STUB1: variants seen among roughly 807,000 people sequenced by gnomAD.
STUB1 encodes STIP1 homology and U-box containing protein 1, also known as E3 ubiquitin-protein ligase CHIP.
A neutral mutation model predicts 40.3 loss-of-function variants in STUB1; 37 were observed. That is an observed-to-expected ratio of 0.92 (90% CI 0.71 to 1.21). STUB1 has a LOEUF of 1.21. Among genes scored for constraint, STUB1 ranks in the 50% most tolerant of loss-of-function variants. The pLI is 0.00. For synonymous variants in STUB1, 246 were observed against 171.9 expected (o/e 1.43, Z -3.37); for missense variants, 460 against 421.9 (o/e 1.09, Z -0.79).
rs766775352 is a variant in STUB1 at position 682,143 on chromosome 16, AC to A, written c.670-20del. ...GTGCAGTGCCCCTTTTCAGCCTCTG[AC>A]CGTGTGCCCCTGTGCCACAGAAGCG... is the stretch of plus-strand genomic sequence containing the variant. On this transcript the variant is annotated intron_variant, in intron 5 of 6. Coordinates refer to ENST00000219548, the MANE Select transcript of STUB1 (RefSeq NM_005861.4). 149 of 1,595,828 alleles carry A rather than the reference AC, an allele frequency of 9.3e-5. No homozygotes were observed. The Admixed American group carries it at 9.7e-4, about 10-fold the overall frequency.
Position 682,154 on chromosome 16 carries a change from C to T in STUB1, c.670-11C>T, listed in dbSNP as rs1415862686. On this transcript the variant is annotated splice_polypyrimidine_tract_variant and intron_variant, in intron 5 of 6. Transcript: ENST00000219548. ...CTTTTCAGCCTCTGACCGTGTGCCC[C>T]TGTGCCACAGAAGCGAGACATCCCC... 1.2e-6 allele frequency: 2 copies of T among 1,601,594 alleles called. No individual in the cohort carries two copies. The highest frequency in any genetic ancestry group is 1.7e-6 in the Non-Finnish European group (2 of 1,170,056).
In STUB1 at chr16:681,135, C is replaced by G. The variant is rs1275876187; in HGVS notation, c.160-17C>G. The G allele has an allele frequency of 1.9e-6, 3 of 1,545,812 alleles. No homozygotes were observed. Among genetic ancestry groups the G allele is most frequent in the East Asian group, 2.4e-5 (1 of 40,906 alleles). On this transcript the variant is annotated splice_polypyrimidine_tract_variant and intron_variant, in intron 1 of 6. Coordinates refer to ENST00000219548, the MANE Select transcript of STUB1 (RefSeq NM_005861.4). ...GAGCCTACGCCCTCATGCGGCTGGCCCGGCCTTGGTCCCTAGACCCGGAAC... is the reference window on the plus strand; with the variant it reads ...GAGCCTACGCCCTCATGCGGCTGGCGCGGCCTTGGTCCCTAGACCCGGAAC...
rs947592685 is a variant in STUB1 at position 682,614 on chromosome 16, G to A, written c.*125G>A. On this transcript the variant is annotated 3_prime_UTR_variant, in exon 7 of 7. Transcript: ENST00000219548. ...CCCCAAGTTCTGCTGTTGGACTCTG[G>A]ACTGTTTCCCCTCTCAGCATCGCTT... is the stretch of plus-strand genomic sequence containing the variant. 41 of 1,470,212 alleles carry A rather than the reference G, an allele frequency of 2.8e-5. No homozygotes were observed. The highest frequency in any genetic ancestry group is 3.7e-5 in the Non-Finnish European group (40 of 1,076,678). 91.1% of individuals were successfully genotyped at this position (1,470,212 alleles called of 1,614,324 possible).
At chr16:681,101 G>T (rs1419227595) in intron 1 of STUB1, 51 bp from the exon 2 acceptor site, 4 of 1,513,542 alleles carry the variant, frequency 2.6e-6, no homozygotes, top group Middle Eastern at 2.1e-4. Flanking sequence ...GGGTCAGAGT[G>T]GGCACGCTGA....
At chr16:681,720 T>C in intron 3 of STUB1, 73 bp from the exon 4 acceptor site, 1 of 1,552,792 alleles carries the variant, frequency 6.4e-7, no homozygotes, top group Non-Finnish European at 8.7e-7. Flanking sequence ...AGTGTGGATG[T>C]TAGCTCTGAG....
In STUB1 at chr16:680,810, G is replaced by A. The variant is rs2039638035; in HGVS notation, c.159+126G>A. On this transcript the variant is annotated intron_variant, in intron 1 of 6. Transcript: ENST00000219548. The surrounding 1 kb of genome is among the most constrained non-coding windows in gnomAD (Gnocchi z 4.9). ...TGTCCTCGGCTCCCAAAGCCCAGCCGTGGTTCTCGAGCCCAGCGCCGGGTG... is the reference window on the plus strand; with the variant it reads ...TGTCCTCGGCTCCCAAAGCCCAGCCATGGTTCTCGAGCCCAGCGCCGGGTG... 5.1e-6 allele frequency: 5 copies of A among 982,744 alleles called. No homozygotes were observed. Among genetic ancestry groups the A allele is most frequent in the Admixed American group, 4.4e-5 (1 of 22,860 alleles). 60.9% of individuals were successfully genotyped at this position (982,744 alleles called of 1,614,324 possible).
rs780791749 is a variant in STUB1 at position 681,832 on chromosome 16, GGAC to G, written c.568_570del (p.Asp190del). 8 of 1,610,090 alleles carry G rather than the reference GGAC, an allele frequency of 5.0e-6. No homozygotes were observed. Among genetic ancestry groups the G allele is most frequent in the Admixed American group, 3.3e-5 (2 of 59,864 alleles). On this transcript the variant is annotated inframe_deletion, in exon 4 of 7. Coordinates refer to ENST00000219548, the MANE Select transcript of STUB1 (RefSeq NM_005861.4). ...GCCAGCGAAACCACGAGGGTGATGA[GGAC>G]GACAGCCACGTCCGGGCCCAGCAGG...
chr16:682,459 C>T lies in STUB1; in HGVS notation c.882C>T (p.Ile294=), dbSNP rs1269591850. ...LAMKEVIDAF[I]SENGWVEDY ...TGAAGGAGGTTATTGACGCATTCATCTCTGAGAATGGCTGGGTGGAGGACT... is the reference window on the plus strand; with the variant it reads ...TGAAGGAGGTTATTGACGCATTCATTTCTGAGAATGGCTGGGTGGAGGACT... Residue 294 remains isoleucine (I), a synonymous_variant, in exon 7 of 7, where the codon ATC becomes ATT. Coordinates refer to ENST00000219548, the MANE Select transcript of STUB1 (RefSeq NM_005861.4). 6.2e-7 allele frequency: 1 copy of T among 1,613,472 alleles called. No homozygotes were observed. The highest frequency in any genetic ancestry group is 1.1e-5 in the South Asian group (1 of 91,082).
In STUB1 at chr16:681,775, C is replaced by T. The variant is rs1274466455; in HGVS notation, c.525-18C>T. On this transcript the variant is annotated intron_variant, in intron 3 of 6. Transcript: ENST00000219548. Reference sequence around the variant, plus strand: ...TCTGGCCAGGTCCATCTCTGACCGGCTCCTGGTCAACCCCCAGGGAGCTGG... The same window carrying T: ...TCTGGCCAGGTCCATCTCTGACCGGTTCCTGGTCAACCCCCAGGGAGCTGG... 3.2e-6 allele frequency: 5 copies of T among 1,582,790 alleles called. No homozygotes were observed. The highest frequency in any genetic ancestry group is 1.3e-5 in the African/African-American group (1 of 74,490).
Position 682,346 on chromosome 16 carries a change from C to T in STUB1, c.787-18C>T, listed in dbSNP as rs753067599. On this transcript the variant is annotated intron_variant, in intron 6 of 6. Coordinates refer to ENST00000219548, the MANE Select transcript of STUB1 (RefSeq NM_005861.4). Reference sequence around the variant, plus strand: ...TCCTGGGCCCCATGACTGCCCTCTGCCCTTCTTGTCACTGCAGCGTGTGGG... The same window carrying T: ...TCCTGGGCCCCATGACTGCCCTCTGTCCTTCTTGTCACTGCAGCGTGTGGG... 1 of 1,613,086 alleles carries T rather than the reference C, an allele frequency of 6.2e-7. No homozygotes were observed. Among genetic ancestry groups the T allele is most frequent in the East Asian group, 2.2e-5 (1 of 44,888 alleles).
Position 682,426 on chromosome 16 carries a change from C to T in STUB1, c.849C>T (p.Asn283=), listed in dbSNP as rs1206352879. ...SPLTQEQLIP[N]LAMKEVIDAF... ...TGACCCAGGAACAGCTCATCCCCAA[C>T]TTGGCTATGAAGGAGGTTATTGACG... The change falls in exon 7 of 7, where the codon AAC becomes AAT. Residue 283 remains asparagine (N), a synonymous_variant. Coordinates refer to ENST00000219548, the MANE Select transcript of STUB1 (RefSeq NM_005861.4). 1 of 1,613,460 alleles carries T rather than the reference C, an allele frequency of 6.2e-7. No individual in the cohort carries two copies. Among genetic ancestry groups the T allele is most frequent in the Admixed American group, 1.7e-5 (1 of 60,030 alleles).
chr16:682,745 G>T lies in STUB1; in HGVS notation c.*256G>T. 1 of 1,594,040 alleles carries T rather than the reference G, an allele frequency of 6.3e-7. No homozygotes were observed. Among genetic ancestry groups the T allele is most frequent in the South Asian group, 1.1e-5 (1 of 89,836 alleles). ...TCTGTGTAATAAAATCCGTGAGCAC[G>T]AGGTGGGACGTGCTGGTGTGTGACC... On this transcript the variant is annotated 3_prime_UTR_variant, in exon 7 of 7. Transcript: ENST00000219548.
chr16:682,035 G>C lies in STUB1; in HGVS notation c.628G>C (p.Asp210His). 5 of 1,592,580 alleles carry C rather than the reference G, an allele frequency of 3.1e-6. No individual in the cohort carries two copies. The highest frequency in any genetic ancestry group is 4.3e-6 in the Non-Finnish European group (5 of 1,164,446). The change falls in exon 5 of 7, where the codon GAC (aspartate) becomes CAC (histidine). Residue 210 changes from aspartate (D) to histidine (H), a missense_variant. Asp to His is a moderately conservative substitution (Grantham distance 81). Coordinates refer to ENST00000219548, the MANE Select transcript of STUB1 (RefSeq NM_005861.4). ...CTCTTCACAGGACAAGTACATGGCGGACATGGACGAGCTTTTTTCTCAGGT... is the reference window on the plus strand; with the variant it reads ...CTCTTCACAGGACAAGTACATGGCGCACATGGACGAGCTTTTTTCTCAGGT... ...IEAKHDKYMA[D>H]MDELFSQVDE... is the part of the protein sequence containing the mutation.
In STUB1 at chr16:680,602, C is replaced by A; in HGVS notation, c.77C>A (p.Ala26Glu). Residue 26 changes from alanine to glutamate, a missense_variant, in exon 1 of 7, where the codon GCG becomes GAG. Ala to Glu is a moderately radical substitution (Grantham distance 107). Coordinates refer to ENST00000219548, the MANE Select transcript of STUB1 (RefSeq NM_005861.4). The surrounding 1 kb of genome is among the most constrained non-coding windows in gnomAD (Gnocchi z 4.9). ...GGAAGCCCCGAGAAGAGCCCGAGCG[C>A]GCAGGAGCTCAAGGAGCAGGGCAAT... ...GGGSPEKSPS[A>E]QELKEQGNRL... 1 of 1,408,324 alleles carries A rather than the reference C, an allele frequency of 7.1e-7. No individual in the cohort carries two copies. Among genetic ancestry groups the A allele is most frequent in the Admixed American group, 2.6e-5 (1 of 38,168 alleles). 87.2% of individuals were successfully genotyped at this position (1,408,324 alleles called of 1,614,324 possible). A position where few individuals can be genotyped will look rare whatever the true frequency, so the allele number is the denominator to read the frequency against.
chr16:681,343 G>A lies in STUB1; in HGVS notation c.351G>A (p.Leu117=). 1.2e-6 allele frequency: 2 copies of A among 1,612,792 alleles called. No individual in the cohort carries two copies. Among genetic ancestry groups the A allele is most frequent in the Non-Finnish European group, 1.7e-6 (2 of 1,179,890 alleles). The change falls in exon 2 of 7, where the codon CTG becomes CTA. Residue 117 remains leucine (L), a synonymous_variant. Coordinates refer to ENST00000219548, the MANE Select transcript of STUB1 (RefSeq NM_005861.4). ...MESYDEAIAN[L]QRAYSLAKEQ... The stretch of plus-strand genomic sequence containing the variant: ...GCTATGATGAGGCCATCGCCAATCT[G>A]CAGCGAGGTTGGCTGACAAGCTGCC...
In STUB1 at chr16:680,495, G is replaced by A; in HGVS notation, c.-31G>A. Reference sequence around the variant, plus strand: ...CTGGGCCGCGAGGCGCGGAGCTTGGGAGCGGAGCCCAGGCCGTGCCGCGCG... The same window carrying A: ...CTGGGCCGCGAGGCGCGGAGCTTGGAAGCGGAGCCCAGGCCGTGCCGCGCG... On this transcript the variant is annotated 5_prime_UTR_variant, in exon 1 of 7. Coordinates refer to ENST00000219548, the MANE Select transcript of STUB1 (RefSeq NM_005861.4). This position sits in a 1 kb window ranked among gnomAD's most constrained non-coding sequence, Gnocchi z 4.9. The A allele has an allele frequency of 8.3e-7, 1 of 1,201,542 alleles. No individual in the cohort carries two copies. The highest frequency in any genetic ancestry group is 3.5e-5 in the East Asian group (1 of 28,208). The allele number at this position is 1,201,542 out of a possible 1,614,324, so 74.4% of individuals were successfully genotyped here. A position where few individuals can be genotyped will look rare whatever the true frequency, so the allele number is the denominator to read the frequency against.
At chr16:682,333 T>C in intron 6 of STUB1, 31 bp from the exon 7 acceptor site, 2 of 1,612,990 alleles carry the variant, frequency 1.2e-6, no homozygotes, top group South Asian at 1.1e-5. Context: ...CTGGGCCCCA[T>C]GACTGCCCTC....
intron 1 of STUB1, 86 bp from the exon 2 acceptor site, chr16:681,066 G>A (rs909964296): frequency 2.9e-6 from 4 of 1,365,822 alleles, no homozygotes; most frequent in Non-Finnish European, 4.0e-6. Flanking sequence ...ATTCTAGCCA[G>A]AGCGCAGAAG....
rs2039630558 is a variant in STUB1 at position 680,435 on chromosome 16, C to G, written c.-91C>G. On this transcript the variant is annotated 5_prime_UTR_variant, in exon 1 of 7. The change creates a new upstream start codon in the 5' untranslated region. Coordinates refer to ENST00000219548, the MANE Select transcript of STUB1 (RefSeq NM_005861.4). The surrounding 1 kb of genome is among the most constrained non-coding windows in gnomAD (Gnocchi z 4.9). ...GGAGCTGGGCCGGGCCCGAGCGGAT[C>G]GCGGGCTCGGGCTGCGGGGCTCCGG... 3 of 1,102,956 alleles carry G rather than the reference C, an allele frequency of 2.7e-6. No homozygotes were observed. The highest frequency in any genetic ancestry group is 3.3e-6 in the Non-Finnish European group (3 of 895,654). 68.3% of individuals were successfully genotyped at this position (1,102,956 alleles called of 1,614,324 possible). A position where few individuals can be genotyped will look rare whatever the true frequency, so the allele number is the denominator to read the frequency against.
Sources: gnomAD v4.1 joint callset for allele counts on GRCh38, gnomAD v4.1.1 for gene constraint, Gnocchi (gnomAD v3.1) non-coding constraint, MANE v1.5 for transcripts, NCBI Gene and HGNC (gene_info 2026-07-23, HGNC 2026-07-21) for gene names.